The following OPCML variants were observed in gnomAD, a reference collection of about 807,000 sequenced individuals.
OPCML encodes the protein opioid-binding protein/cell adhesion molecule.
Under a neutral mutation model 37.8 loss-of-function variants are expected in OPCML, and 13 were observed. The observed-to-expected ratio is 0.34, with a 90% confidence interval of 0.22 to 0.55. The LOEUF (loss-of-function observed/expected upper bound fraction) is 0.55. OPCML is among the 20% of genes least tolerant of loss of function. OPCML has a pLI of 0.91. For synonymous variants in OPCML, 176 were observed against 168.8 expected (o/e 1.04, Z -0.33); for missense variants, 341 against 435.6 (o/e 0.78, Z 1.93).
chr11:132,841,216 C>T (rs967601230), intron 2 of OPCML, among the ~76,000 whole-genome samples: 4 of 152,170 alleles, frequency 2.6e-5, no homozygotes, highest in African/African-American at 7.2e-5. Flanking sequence ...CTCCCCACAA[C>T]CCGAAGTGCC....
intron 1 of OPCML, among the ~76,000 whole-genome samples, chr11:133,465,302 A>G (rs919789148): frequency 3.3e-5 from 5 of 152,122 alleles, no homozygotes; most frequent in Admixed American, 2.6e-4. Flanking sequence ...TACCTTGTGC[A>G]TACCCAAGCG....
intron 1 of OPCML, among the ~76,000 whole-genome samples, chr11:133,409,962 G>A (rs531989666): frequency 6.6e-5 from 10 of 152,142 alleles, no homozygotes; most frequent in South Asian, 6.2e-4. Context: ...CTGCAGAGGT[G>A]GGTCAGGGAA....
chr11:132,581,460 G>A (rs988076635), intron 3 of OPCML, among the ~76,000 whole-genome samples: 8 of 152,184 alleles, frequency 5.3e-5, no homozygotes, highest in Non-Finnish European at 1.2e-4. Flanking sequence ...AACTGGATGG[G>A]AGTCTCCCAG....
chr11:132,576,808 C>T (rs2096452053), intron 3 of OPCML, among the ~76,000 whole-genome samples: 1 of 152,090 alleles, frequency 6.6e-6, no homozygotes, highest in African/African-American at 2.4e-5. Flanking sequence ...TCTTTCCCTC[C>T]CTAGGGAAAA....
chr11:132,975,830 G>A (rs1946450818), intron 1 of OPCML, among the ~76,000 whole-genome samples: 2 of 152,010 alleles, frequency 1.3e-5, no homozygotes, highest in Non-Finnish European at 2.9e-5. Flanking sequence ...GAGTGCAGTG[G>A]TGTGATCTTG....
intron 1 of OPCML, among the ~76,000 whole-genome samples, chr11:133,042,087 TC>T (rs1169869023): frequency 1.3e-5 from 2 of 152,048 alleles, no homozygotes; most frequent in Non-Finnish European, 2.9e-5. Context: ...CACTGACTAA[TC>T]ACCACCATTA....
At chr11:132,846,945 GTCTAATTC>G (rs1225113485) in intron 2 of OPCML, among the ~76,000 whole-genome samples, 14 of 152,338 alleles carry the variant, frequency 9.2e-5, no homozygotes, top group African/African-American at 3.4e-4. Context: ...CCCCAGTGGA[GTCTAATTC>G]TCCTTCTTGA....
At chr11:133,188,435 C>G (rs1192337214) in intron 1 of OPCML, among the ~76,000 whole-genome samples, 1 of 152,120 alleles carries the variant, frequency 6.6e-6, no homozygotes, top group African/African-American at 2.4e-5. Context: ...TTTCTCAACT[C>G]CATCGCGATC....
At chr11:132,691,604 C>A in intron 2 of OPCML, among the ~76,000 whole-genome samples, 1 of 152,166 alleles carries the variant, frequency 6.6e-6, no homozygotes, top group East Asian at 1.9e-4. Flanking sequence ...AGTGACAGCA[C>A]CTGGTGTACT....
chr11:132,500,925 G>A (rs1010729336), intron 4 of OPCML, among the ~76,000 whole-genome samples: 5 of 152,200 alleles, frequency 3.3e-5, no homozygotes, highest in Non-Finnish European at 7.3e-5. Flanking sequence ...TGGTGTATAT[G>A]TGCCACATTT....
intron 1 of OPCML, among the ~76,000 whole-genome samples, chr11:133,488,590 G>T (rs572800350): frequency 1.5e-4 from 23 of 152,108 alleles, no homozygotes; most frequent in Non-Finnish European, 2.1e-4. Flanking sequence ...ATAAATCATA[G>T]ATGACACTAA....
At chr11:132,975,443 G>T (rs867790808) in intron 1 of OPCML, among the ~76,000 whole-genome samples, 16 of 145,156 alleles carry the variant, frequency 1.1e-4, no homozygotes, top group Admixed American at 6.3e-4. Flanking sequence ...GTATATGGGT[G>T]CATAAACTCA....
intron 1 of OPCML, among the ~76,000 whole-genome samples, chr11:133,014,504 C>T (rs1400033240): frequency 3.3e-5 from 5 of 152,148 alleles, no homozygotes; most frequent in South Asian, 2.1e-4. Flanking sequence ...GGCAGGGCAG[C>T]GCTAAAGGTC....
At chr11:133,468,256 C>T (rs917338327) in intron 1 of OPCML, among the ~76,000 whole-genome samples, 2 of 152,214 alleles carry the variant, frequency 1.3e-5, no homozygotes, top group Admixed American at 6.5e-5. Flanking sequence ...ACTGTGCTTG[C>T]CAGTGGCTCT....
intron 2 of OPCML, among the ~76,000 whole-genome samples, chr11:132,778,937 G>C (rs1485579713): frequency 6.9e-6 from 1 of 145,776 alleles, no homozygotes; most frequent in Non-Finnish European, 1.5e-5. Flanking sequence ...TAATAACACT[G>C]AATTACACTG....
At chr11:132,629,310 A>T (rs10894592) in intron 3 of OPCML, among the ~76,000 whole-genome samples, 28,354 of 152,148 alleles carry the variant, frequency 0.19, 2,711 homozygotes, top group Middle Eastern at 0.23. Context: ...TCTGATTAAA[A>T]CAACTTACTG....
At chr11:133,236,873 G>A (rs1940540071) in intron 1 of OPCML, among the ~76,000 whole-genome samples, 1 of 143,916 alleles carries the variant, frequency 6.9e-6, no homozygotes, top group Non-Finnish European at 1.5e-5. Flanking sequence ...TCCAGCTAGT[G>A]GAAACCGGAC....
intron 1 of OPCML, among the ~76,000 whole-genome samples, chr11:132,953,552 C>CA (rs144728867): frequency 0.032 from 4,930 of 152,206 alleles, 117 homozygotes; most frequent in Non-Finnish European, 0.05. Context: ...AATCCAATAA[C>CA]AAAAACCATT....
intron 4 of OPCML, among the ~76,000 whole-genome samples, chr11:132,505,751 G>A (rs61908192): frequency 0.015 from 2,244 of 152,058 alleles, 22 homozygotes; most frequent in Non-Finnish European, 0.023. Context: ...AAAGACAGAA[G>A]GAGATTAAGA....
Sources: allele counts gnomAD v4.1 joint callset (sites outside exome capture counted in the v4.1 genomes callset), GRCh38; gene constraint gnomAD v4.1.1; transcripts MANE v1.5; gene names NCBI Gene and HGNC (gene_info 2026-07-23, HGNC 2026-07-21).